The following DCC variants were observed in gnomAD, a reference collection of about 807,000 sequenced individuals.
DCC encodes the protein netrin receptor DCC.
DCC carries 58 observed loss-of-function variants against 172.5 expected under a neutral mutation model. That is an observed-to-expected ratio of 0.34 (90% confidence interval 0.27 to 0.42). The LOEUF (loss-of-function observed/expected upper bound fraction) is 0.42. DCC is among the 10% of genes least tolerant of loss of function. DCC has a pLI of 1.00. For synonymous variants in DCC, 709 were observed against 644.5 expected, an observed-to-expected ratio of 1.10 and a Z score of -1.52; for missense variants, 1,740 against 1,791.0, an observed-to-expected ratio of 0.97 and a Z score of 0.51.
At chr18:53,317,422 GA>G (rs562637925) in intron 13 of DCC, among the ~76,000 whole-genome samples, 179 of 152,286 alleles carry the variant, frequency 1.2e-3, no homozygotes, top group African/African-American at 4.2e-3. Flanking sequence ...GTTCATCAGG[GA>G]TATCGGCTTG....
At chr18:53,285,898 T>G (rs2056930244) in intron 12 of DCC, among the ~76,000 whole-genome samples, 1 of 152,228 alleles carries the variant, frequency 6.6e-6, no homozygotes, top group South Asian at 2.1e-4. Context: ...CTTTAAGATT[T>G]GACTGCACCT....
At chr18:52,780,160 T>TTA (rs2037510390) in intron 2 of DCC, among the ~76,000 whole-genome samples, 1 of 152,122 alleles carries the variant, frequency 6.6e-6, no homozygotes, top group South Asian at 2.1e-4. Context: ...TTTGCCTGAC[T>TTA]CTTTACATAG....
intron 1 of DCC, among the ~76,000 whole-genome samples, chr18:52,632,216 A>G (rs1169781581): frequency 6.6e-6 from 1 of 152,156 alleles, no homozygotes; most frequent in East Asian, 1.9e-4. Flanking sequence ...TGAGTTAGGA[A>G]TGAAGTATAA....
At chr18:52,907,154 CATATATCAT>C (rs960541004) in intron 3 of DCC, among the ~76,000 whole-genome samples, 5 of 149,264 alleles carry the variant, frequency 3.3e-5, no homozygotes, top group African/African-American at 1.2e-4. Context: ...ATATATCATA[CATATATCAT>C]ATATATCATA....
chr18:52,755,262 G>A (rs1599077468), intron 2 of DCC, among the ~76,000 whole-genome samples: 1 of 152,228 alleles, frequency 6.6e-6, no homozygotes, highest in Non-Finnish European at 1.5e-5. Flanking sequence ...ATGAAAGGCA[G>A]CTGCCTATGC....
At chr18:52,490,482 G>C (rs1397646350) in intron 1 of DCC, among the ~76,000 whole-genome samples, 1 of 152,050 alleles carries the variant, frequency 6.6e-6, no homozygotes, top group Non-Finnish European at 1.5e-5. Context: ...TTTCATGACG[G>C]GGAAACTGAG....
chr18:53,022,226 C>T (rs2143924202), intron 5 of DCC, among the ~76,000 whole-genome samples: 1 of 151,874 alleles, frequency 6.6e-6, no homozygotes, highest in Middle Eastern at 3.4e-3. Flanking sequence ...AAGGGTTAAC[C>T]TCAAATTAGA....
intron 13 of DCC, among the ~76,000 whole-genome samples, chr18:53,318,130 T>G (rs1179173754): frequency 6.6e-6 from 1 of 152,196 alleles, no homozygotes; most frequent in African/African-American, 2.4e-5. Flanking sequence ...TGCTATAAAT[T>G]TCCCTCCAAA....
intron 7 of DCC, among the ~76,000 whole-genome samples, chr18:53,088,670 A>G (rs1274268868): frequency 6.6e-6 from 1 of 152,228 alleles, no homozygotes; most frequent in Non-Finnish European, 1.5e-5. Context: ...ACCGCTAGCA[A>G]GACTAATAAA....
chr18:52,902,660 A>C (rs968178531), intron 2 of DCC, among the ~76,000 whole-genome samples: 5 of 152,168 alleles, frequency 3.3e-5, no homozygotes, highest in African/African-American at 1.2e-4. Flanking sequence ...TATAGTACTA[A>C]GTTGATAGTC....
intron 17 of DCC, among the ~76,000 whole-genome samples, chr18:53,393,256 T>A (rs1424715757): frequency 3.3e-5 from 5 of 152,216 alleles, no homozygotes; most frequent in Non-Finnish European, 7.3e-5. Flanking sequence ...TCCTGTGGTG[T>A]CTTTCAACTT....
intron 1 of DCC, among the ~76,000 whole-genome samples, chr18:52,637,206 A>G (rs966171992): frequency 3.3e-5 from 5 of 152,190 alleles, no homozygotes; most frequent in Admixed American, 1.3e-4. Flanking sequence ...GACAGAGCAT[A>G]CCCAAATCAA....
intron 1 of DCC, among the ~76,000 whole-genome samples, chr18:52,699,277 CT>C (rs1041923631): frequency 2.0e-5 from 3 of 152,170 alleles, no homozygotes; most frequent in African/African-American, 7.2e-5. Flanking sequence ...GACCATCCCC[CT>C]GAGACCCTGC....
intron 19 of DCC, among the ~76,000 whole-genome samples, chr18:53,404,631 T>G (rs1909540122): frequency 1.3e-5 from 2 of 151,918 alleles, no homozygotes; most frequent in South Asian, 4.1e-4. Context: ...CTCTGGAGGC[T>G]GAGGCAGGAG....
At chr18:52,565,664 C>A (rs1279050150) in intron 1 of DCC, among the ~76,000 whole-genome samples, 1 of 152,084 alleles carries the variant, frequency 6.6e-6, no homozygotes, top group East Asian at 1.9e-4. Flanking sequence ...TCTTCATATC[C>A]TTTGACCACT....
At chr18:53,197,920 C>T (rs1025142791) in intron 9 of DCC, among the ~76,000 whole-genome samples, 3 of 151,790 alleles carry the variant, frequency 2.0e-5, no homozygotes, top group African/African-American at 7.3e-5. Flanking sequence ...TATCAGGAGC[C>T]CCAACATCCT....
At chr18:52,488,269 A>C (rs2030330684) in intron 1 of DCC, among the ~76,000 whole-genome samples, 1 of 152,082 alleles carries the variant, frequency 6.6e-6, no homozygotes, top group African/African-American at 2.4e-5. Context: ...TGTAGTTCCA[A>C]ATATAAATTT....
intron 12 of DCC, among the ~76,000 whole-genome samples, chr18:53,285,308 T>C (rs1481018653): frequency 6.6e-6 from 1 of 152,180 alleles, no homozygotes; most frequent in East Asian, 1.9e-4. Flanking sequence ...GGGCTCAGGG[T>C]CCCTCTATTG....
At chr18:52,391,499 C>A (rs1196489675) in intron 1 of DCC, among the ~76,000 whole-genome samples, 1 of 152,046 alleles carries the variant, frequency 6.6e-6, no homozygotes, top group Non-Finnish European at 1.5e-5. Flanking sequence ...AATAAGAGAA[C>A]CAGAAGGAAT....
Sources: allele counts gnomAD v4.1 joint callset (sites outside exome capture counted in the v4.1 genomes callset), GRCh38; gene constraint gnomAD v4.1.1; transcripts MANE v1.5; gene names NCBI Gene and HGNC (gene_info 2026-07-23, HGNC 2026-07-21).